The following MUCL1 variants were observed in gnomAD, a reference collection of about 807,000 sequenced individuals.
MUCL1 encodes the protein mucin like 1, also known as mucin-like protein 1.
In MUCL1, 11 loss-of-function variants were observed where a neutral mutation model predicts 9.2. The observed-to-expected ratio is 1.19, with a 90% CI of 0.75 to 1.97. The LOEUF is 1.97. Among genes scored for constraint, MUCL1 ranks in the 30% most tolerant of loss-of-function variants. The pLI, the probability that MUCL1 is intolerant of heterozygous loss-of-function variation, is 0.00. For missense variants in MUCL1, 144 were observed against 110.9 expected, an observed-to-expected ratio of 1.30 and a Z score of -1.34; for synonymous variants, 48 against 40.5, an observed-to-expected ratio of 1.19 and a Z score of -0.71.
At chr12:54,838,792 A>G (rs1034222124), upstream of MUCL1, among the ~76,000 whole-genome samples, 1 of 152,072 alleles carries the variant, frequency 6.6e-6, no homozygotes, top group African/African-American at 2.4e-5. Context: ...TCTTTAAGAT[A>G]TCTATCTCTT....
chr12:54,845,394 G>A (rs1007808682), intron 1 of MUCL1, among the ~76,000 whole-genome samples: 1 of 152,138 alleles, frequency 6.6e-6, no homozygotes, highest in Non-Finnish European at 1.5e-5. Flanking sequence ...AGGTTTTACA[G>A]GCAGAGAATA....
In MUCL1 at chr12:54,858,174, A is replaced by G. The variant is rs774320240; in HGVS notation, c.224-19A>G. 3 of 1,613,142 alleles carry G rather than the reference A, an allele frequency of 1.9e-6. No individual in the cohort carries two copies. Among genetic ancestry groups the G allele is most frequent in the South Asian group, 2.2e-5 (2 of 91,046 alleles). Reference sequence around the variant, plus strand: ...CATCCTTTGTCGAAGCCCCTTGACAATATTTTTTTCTCTTGCAGTTTTACC... The same window carrying G: ...CATCCTTTGTCGAAGCCCCTTGACAGTATTTTTTTCTCTTGCAGTTTTACC... On this transcript the variant is annotated intron_variant, in intron 3 of 3. Coordinates refer to ENST00000308796, the MANE Select transcript of MUCL1 (RefSeq NM_058173.3).
At chr12:54,842,493 C>CT (rs1240863482) in intron 1 of MUCL1, among the ~76,000 whole-genome samples, 1 of 152,020 alleles carries the variant, frequency 6.6e-6, no homozygotes, top group Non-Finnish European at 1.5e-5. Context: ...ACATACTTAT[C>CT]TTTTTTTGTA....
At chr12:54,842,595 C>A (rs1053006384) in intron 1 of MUCL1, among the ~76,000 whole-genome samples, 4 of 152,074 alleles carry the variant, frequency 2.6e-5, no homozygotes, top group Non-Finnish European at 5.9e-5. Context: ...GTTATAGTCA[C>A]CATTTTGTAC....
At chr12:54,835,225 A>G (rs191961226), upstream of MUCL1, among the ~76,000 whole-genome samples, 296 of 152,244 alleles carry the variant, frequency 1.9e-3, no homozygotes, top group African/African-American at 6.8e-3. Flanking sequence ...ATATACACGT[A>G]TGTGTCTTTT....
chr12:54,847,928 C>G (rs1023965541), intron 1 of MUCL1, among the ~76,000 whole-genome samples: 1 of 152,068 alleles, frequency 6.6e-6, no homozygotes. Context: ...TATGCCCCAG[C>G]TCCCTTGGCA....
intron 1 of MUCL1, among the ~76,000 whole-genome samples, chr12:54,831,145 C>T (rs572348265): frequency 1.3e-5 from 2 of 152,216 alleles, no homozygotes; most frequent in East Asian, 3.9e-4. Flanking sequence ...AAGATCTCTA[C>T]AGTCTGTATA....
intron 3 of MUCL1, among the ~76,000 whole-genome samples, chr12:54,857,641 G>A (rs1868310644): frequency 6.6e-6 from 1 of 152,066 alleles, no homozygotes; most frequent in African/African-American, 2.4e-5. Context: ...GTTGCAATGA[G>A]AAACTTTCCT....
At chr12:54,853,528 T>C (rs141221736), upstream of MUCL1, among the ~76,000 whole-genome samples, 748 of 152,300 alleles carry the variant, frequency 4.9e-3, 5 homozygotes, top group African/African-American at 0.017. Flanking sequence ...ATTATCCAAA[T>C]ATACCACGTT....
chr12:54,843,654 C>A (rs1959225241), intron 1 of MUCL1, among the ~76,000 whole-genome samples: 1 of 152,170 alleles, frequency 6.6e-6, no homozygotes, highest in African/African-American at 2.4e-5. Context: ...CAGAATGAGA[C>A]AAACTCAAAT....
chr12:54,839,327 G>A (rs1959199897), upstream of MUCL1: 1 of 698,910 alleles, frequency 1.4e-6, no homozygotes, highest in African/African-American at 1.8e-5. Flanking sequence ...TTCTCCAGTG[G>A]CACACACTTA....
chr12:54,844,938 G>A (rs565072357), intron 1 of MUCL1, among the ~76,000 whole-genome samples: 3 of 152,328 alleles, frequency 2.0e-5, no homozygotes, highest in South Asian at 4.1e-4. Flanking sequence ...CACTGTGGGT[G>A]AAGAAGCTGG....
chr12:54,856,722 G>C (rs575091928), intron 2 of MUCL1, 48 bp from the exon 3 acceptor site: 1 of 1,560,804 alleles, frequency 6.4e-7, no homozygotes, highest in Non-Finnish European at 8.7e-7. Flanking sequence ...GATAAATTTT[G>C]TTCCAGAAGG....
upstream of MUCL1, among the ~76,000 whole-genome samples, chr12:54,851,107 G>A (rs186818195): frequency 1.3e-5 from 2 of 152,076 alleles, no homozygotes; most frequent in African/African-American, 4.8e-5. Flanking sequence ...CTATTCTGTA[G>A]GTTGCCTGTT....
At chr12:54,850,713 T>C (rs1356685001), upstream of MUCL1, among the ~76,000 whole-genome samples, 1 of 152,228 alleles carries the variant, frequency 6.6e-6, no homozygotes, top group Non-Finnish European at 1.5e-5. Flanking sequence ...TTTCTAGTTC[T>C]AGATCCTTGA....
upstream of MUCL1, among the ~76,000 whole-genome samples, chr12:54,837,629 C>T (rs1017086244): frequency 2.0e-5 from 3 of 151,926 alleles, no homozygotes; most frequent in East Asian, 1.9e-4. Context: ...ATTAGCCGGG[C>T]GTGGTGGTGG....
chr12:54,850,240 A>C (rs1959316758), upstream of MUCL1, among the ~76,000 whole-genome samples: 1 of 152,000 alleles, frequency 6.6e-6, no homozygotes, highest in East Asian at 1.9e-4. Context: ...TACATGTGCC[A>C]TGTTGGGGTG....
chr12:54,840,473 T>A (rs1005932387), intron 1 of MUCL1, among the ~76,000 whole-genome samples: 4 of 152,198 alleles, frequency 2.6e-5, no homozygotes, highest in Non-Finnish European at 5.9e-5. Flanking sequence ...GAGGTGGCAC[T>A]TGCAAAAGAG....
chr12:54,839,530 G>A, intron 1 of MUCL1: 1 of 700,180 alleles, frequency 1.4e-6, no homozygotes, highest in Middle Eastern at 3.4e-4. Context: ...GAAATGCACT[G>A]AGGTCTTTTC....
Sources: gnomAD v4.1 joint callset for allele counts (sites outside exome capture counted in the v4.1 genomes callset) on GRCh38, gnomAD v4.1.1 for gene constraint, MANE v1.5 for transcripts, NCBI Gene and HGNC (gene_info 2026-07-23, HGNC 2026-07-21) for gene names.